BAIAP2L2: variants seen among roughly 807,000 people sequenced by gnomAD.
BAIAP2L2 encodes the protein BAR/IMD domain containing adaptor protein 2 like 2, also known as BAR/IMD domain-containing adapter protein 2-like 2.
BAIAP2L2 carries 65 observed loss-of-function variants against 60.4 expected under a neutral mutation model. That is an observed-to-expected ratio of 1.08 (90% CI 0.88 to 1.32). BAIAP2L2 has a LOEUF of 1.32. Ranked by LOEUF, BAIAP2L2 falls within the 40% of genes most tolerant of loss-of-function variation. The pLI is 0.00. For synonymous variants in BAIAP2L2, 344 were observed against 301.7 expected (o/e 1.14, Z -1.45); for missense variants, 836 against 741.2 (o/e 1.13, Z -1.48).
chr22:38,089,290 C>T (rs1302387404), intron 8 of BAIAP2L2, 59 bp from the exon 9 acceptor site: 2 of 491,806 alleles, frequency 4.1e-6, no homozygotes, highest in Admixed American at 4.7e-5. Context: ...GGGGCCGCGC[C>T]CTAGTCCAGC....
intron 11 of BAIAP2L2, 63 bp downstream of exon 11, chr22:38,087,061 C>G: frequency 6.8e-7 from 1 of 1,462,162 alleles, no homozygotes; most frequent in African/African-American, 1.5e-5. Flanking sequence ...AGATCCTCTC[C>G]GCTGGGCAGT....
chr22:38,097,706 G>GA (rs969129790), intron 6 of BAIAP2L2, among the ~76,000 whole-genome samples: 7 of 152,156 alleles, frequency 4.6e-5, no homozygotes, highest in African/African-American at 1.7e-4. Flanking sequence ...CCAGGCAGGA[G>GA]AGAGGGGAGG....
upstream of BAIAP2L2, among the ~76,000 whole-genome samples, chr22:38,110,961 A>C (rs2086833827): frequency 6.6e-6 from 1 of 152,002 alleles, no homozygotes. Context: ...GCCCTCCCCC[A>C]GGACTCTCTC....
At chr22:38,100,570 AAATAAAG>A (rs2086545901) in intron 4 of BAIAP2L2, among the ~76,000 whole-genome samples, 2 of 94,764 alleles carry the variant, frequency 2.1e-5, no homozygotes, top group African/African-American at 8.4e-5. Context: ...ATAAATAAAT[AAATAAAG>A]CTTAGCACCT....
intron 11 of BAIAP2L2, 100 bp from the exon 12 acceptor site, chr22:38,086,549 G>A (rs1410462514): frequency 2.2e-6 from 2 of 890,116 alleles, no homozygotes; most frequent in Non-Finnish European, 3.4e-6. Flanking sequence ...GCATCCGACA[G>A]CTTCCTCCCC....
chr22:38,110,118 A>AGG (rs1421448828), intron 1 of BAIAP2L2, among the ~76,000 whole-genome samples: 1 of 52,800 alleles, frequency 1.9e-5, no homozygotes, highest in East Asian at 5.6e-4. Context: ...GGAGAGAGAG[A>AGG]GGGAGAGAGA....
At chr22:38,088,259 T>A (rs554659158) in intron 10 of BAIAP2L2, among the ~76,000 whole-genome samples, 108 of 152,312 alleles carry the variant, frequency 7.1e-4, no homozygotes, top group African/African-American at 2.4e-3. Context: ...CCTCACTGTA[T>A]GAAACTCCCC....
intron 4 of BAIAP2L2, among the ~76,000 whole-genome samples, chr22:38,101,017 A>C (rs778933399): frequency 2.7e-4 from 41 of 152,236 alleles, no homozygotes; most frequent in Admixed American, 1.1e-3. Flanking sequence ...AACGTTCTAA[A>C]TAAATCCTGT....
intron 4 of BAIAP2L2, 43 bp downstream of exon 4, chr22:38,107,809 T>G (rs775365064): frequency 1.3e-6 from 2 of 1,586,738 alleles, no homozygotes; most frequent in Non-Finnish European, 1.7e-6. Context: ...CATAGCCCAC[T>G]TTCCTCGAGT....
rs200971843 is a variant in BAIAP2L2, at chr22:38,086,442, G to T, written c.1267C>A (p.Pro423Thr). The T allele has an allele frequency of 1.5e-5, 22 of 1,503,454 alleles. No homozygotes were observed. The African/African-American group carries it at 2.6e-4, about 18-fold the overall frequency. 93.1% of individuals were successfully genotyped at this position (1,503,454 alleles called of 1,614,324 possible). Residue 423 changes from proline (P) to threonine (T), a missense_variant, in exon 12 of 14, where the codon CCA (proline) becomes ACA (threonine). Physicochemically the swap from Pro to Thr is conservative, Grantham distance 38 (BLOSUM62 -1). Coordinates refer to ENST00000381669, the MANE Select transcript of BAIAP2L2 (RefSeq NM_025045.6). The part of the protein sequence containing the change: ...PGNELPSRSY[P>T]LRGSHSLDDL... Reference sequence around the variant, plus strand: ...TCGAGGCTGTGGCTGCCCCGGAGTGGGTAGGACCTAAGTCCAGAGAAAGGA... The same window carrying T: ...TCGAGGCTGTGGCTGCCCCGGAGTGTGTAGGACCTAAGTCCAGAGAAAGGA...
chr22:38,086,081 A>G (rs2086056396), intron 12 of BAIAP2L2, among the ~76,000 whole-genome samples, 161 bp downstream of exon 12: 1 of 152,122 alleles, frequency 6.6e-6, no homozygotes, highest in Non-Finnish European at 1.5e-5. Flanking sequence ...CCTTCAGCCC[A>G]GACTCAGCCC....
At position 38,085,242 on chromosome 22, in the gene BAIAP2L2, G is replaced by T; in HGVS notation, c.*58C>A. The T allele has an allele frequency of 6.4e-7, 1 of 1,553,006 alleles. No homozygotes were observed. Among genetic ancestry groups the T allele is most frequent in the Non-Finnish European group, 8.9e-7 (1 of 1,128,702 alleles). ...TGCTGTTGCTGCTGTCGCTGCCATT[G>T]CCAGCTCTGAACAGCCCCTGGGCAG... On this transcript the variant is annotated 3_prime_UTR_variant, in exon 14 of 14. Transcript: ENST00000381669.
intron 7 of BAIAP2L2, among the ~76,000 whole-genome samples, chr22:38,096,683 AAAATT>A (rs1165559723): frequency 6.6e-6 from 1 of 152,188 alleles, no homozygotes; most frequent in African/African-American, 2.4e-5. Context: ...ATAATATGAT[AAAATT>A]AATAGACGAT....
chr22:38,086,573 A>G, intron 11 of BAIAP2L2, 124 bp from the exon 12 acceptor site: 1 of 723,794 alleles, frequency 1.4e-6, no homozygotes, highest in South Asian at 2.0e-5. Context: ...CCTGCATGAA[A>G]GGAGACTGTT....
intron 7 of BAIAP2L2, chr22:38,090,676 A>G (rs1239742847): frequency 6.6e-6 from 1 of 152,176 alleles, no homozygotes; most frequent in African/African-American, 2.4e-5. Context: ...GGTAGGTGCA[A>G]TTATTATCTC....
intron 8 of BAIAP2L2, 124 bp downstream of exon 8, chr22:38,089,398 C>CG: frequency 1.6e-6 from 1 of 607,458 alleles, no homozygotes; most frequent in Non-Finnish European, 2.4e-6. Context: ...AAGGGCAGGC[C>CG]GGGGGATGCA....
chr22:38,096,603 C>T (rs562740740), intron 7 of BAIAP2L2, among the ~76,000 whole-genome samples: 4 of 152,140 alleles, frequency 2.6e-5, no homozygotes, highest in African/African-American at 7.2e-5. Context: ...TGCAGTGAGC[C>T]GAGATTGTGC....
chr22:38,089,636 C>G lies in BAIAP2L2; in HGVS notation c.651G>C (p.Lys217Asn). The G allele has an allele frequency of 2.4e-6, 3 of 1,232,002 alleles. No individual in the cohort carries two copies. The highest frequency in any genetic ancestry group is 3.0e-6 in the Non-Finnish European group (3 of 988,070). The allele number at this position is 1,232,002 out of a possible 1,614,324, so 76.3% of individuals were successfully genotyped here. A position where few individuals can be genotyped will look rare whatever the true frequency, so the allele number is the denominator to read the frequency against. Residue 217 changes from lysine to asparagine, a missense_variant, in exon 8 of 14, where the codon AAG (lysine) becomes AAC (asparagine). Transcript: ENST00000381669. Reference protein sequence around the residue: ...GMLQNRVLLWKEQSEASRSPS... With the variant: ...GMLQNRVLLWNEQSEASRSPS... ...GGCTGCGGCTGGCCTCAGACTGCTC[C>G]TTCCACAGCAGCACGCGGTTCTGGA... is the stretch of plus-strand genomic sequence containing the variant.
At chr22:38,103,576 C>T (rs2086606869) in intron 4 of BAIAP2L2, among the ~76,000 whole-genome samples, 2 of 152,098 alleles carry the variant, frequency 1.3e-5, no homozygotes, top group South Asian at 4.1e-4. Context: ...AAAGAGGCTT[C>T]CAATGGCCAG....
Sources: allele counts gnomAD v4.1 joint callset (sites outside exome capture counted in the v4.1 genomes callset), GRCh38; gene constraint gnomAD v4.1.1; transcripts MANE v1.5; gene names NCBI Gene and HGNC (gene_info 2026-07-23, HGNC 2026-07-21).